DLGAP1: variants seen among roughly 807,000 people sequenced by gnomAD.
DLGAP1 encodes DLG associated protein 1, also known as disks large-associated protein 1.
Under a neutral mutation model 90.8 loss-of-function variants are expected in DLGAP1, and 11 were observed. The observed-to-expected ratio is 0.12, with a 90% CI of 0.08 to 0.20. DLGAP1 has a LOEUF of 0.20. DLGAP1 is among the 10% of genes least tolerant of loss of function. The probability of loss-of-function intolerance (pLI) is 1.00; values close to 1 mark genes in which losing one functional copy is unlikely to be tolerated. For synonymous variants in DLGAP1, 558 were observed against 540.7 expected (o/e 1.03, Z -0.44); for missense variants, 1,050 against 1,333.8 (o/e 0.79, Z 3.31).
At chr18:4,305,405 G>C (rs181214153) in intron 1 of DLGAP1, among the ~76,000 whole-genome samples, 1 of 151,918 alleles carries the variant, frequency 6.6e-6, no homozygotes, top group Non-Finnish European at 1.5e-5. Context: ...GTGGTGGCAC[G>C]CGCCTGTAGT....
chr18:3,551,646 C>CTA, intron 9 of DLGAP1, among the ~76,000 whole-genome samples: 1 of 23,614 alleles, frequency 4.2e-5, no homozygotes, highest in African/African-American at 1.0e-4. Flanking sequence ...CTTCCTTTCT[C>CTA]TCTCTCTTTG....
chr18:4,322,718 T>C (rs2080721813), intron 1 of DLGAP1, among the ~76,000 whole-genome samples: 1 of 151,944 alleles, frequency 6.6e-6, no homozygotes, highest in Non-Finnish European at 1.5e-5. Context: ...TCCCAGCACT[T>C]TGGGAGGCCG....
At chr18:4,423,017 G>A (rs544941470) in intron 1 of DLGAP1, among the ~76,000 whole-genome samples, 8 of 152,078 alleles carry the variant, frequency 5.3e-5, no homozygotes, top group Non-Finnish European at 7.4e-5. Context: ...CACAAAATAC[G>A]TCTTCCAAGA....
intron 7 of DLGAP1, among the ~76,000 whole-genome samples, chr18:3,595,945 C>G (rs1039827668): frequency 2.6e-5 from 4 of 152,186 alleles, no homozygotes; most frequent in African/African-American, 9.7e-5. Context: ...CAAAATGTGT[C>G]CCAACCAGGT....
At chr18:4,007,855 C>G (rs1746115225) in intron 2 of DLGAP1, among the ~76,000 whole-genome samples, 1 of 152,152 alleles carries the variant, frequency 6.6e-6, no homozygotes, top group African/African-American at 2.4e-5. Context: ...CTCAGGAACT[C>G]AACCTGCCTG....
At chr18:3,507,462 G>C (rs1024585867) in intron 11 of DLGAP1, among the ~76,000 whole-genome samples, 6 of 152,066 alleles carry the variant, frequency 3.9e-5, no homozygotes, top group African/African-American at 1.4e-4. Context: ...GTTGCAGTGA[G>C]CCGAGCCGAG....
chr18:4,276,682 T>C (rs2079424235), intron 1 of DLGAP1, among the ~76,000 whole-genome samples: 1 of 151,994 alleles, frequency 6.6e-6, no homozygotes, highest in Non-Finnish European at 1.5e-5. Flanking sequence ...GAGTATTTCA[T>C]GGTAAAAGTA....
chr18:4,025,145 G>A (rs2074678447), intron 2 of DLGAP1, among the ~76,000 whole-genome samples: 1 of 151,888 alleles, frequency 6.6e-6, no homozygotes, highest in Non-Finnish European at 1.5e-5. Flanking sequence ...AGTGTGTGAG[G>A]CCTTGAGTGT....
chr18:4,078,254 G>A (rs550332281), intron 2 of DLGAP1, among the ~76,000 whole-genome samples: 118 of 152,092 alleles, frequency 7.8e-4, no homozygotes, highest in Non-Finnish European at 1.4e-3. Flanking sequence ...AGAGACTTAA[G>A]CACCTACAAT....
At chr18:3,730,073 C>T (rs1598487975) in intron 6 of DLGAP1, among the ~76,000 whole-genome samples, 2 of 152,110 alleles carry the variant, frequency 1.3e-5, no homozygotes, top group South Asian at 4.1e-4. Context: ...AAACTATTTA[C>T]AAGTTTCAGT....
At chr18:3,536,359 G>A (rs1403303065) in intron 9 of DLGAP1, among the ~76,000 whole-genome samples, 1 of 151,762 alleles carries the variant, frequency 6.6e-6, no homozygotes, top group African/African-American at 2.4e-5. Flanking sequence ...GAATAGCTGG[G>A]AGTACAGGCA....
chr18:4,197,205 A>C (rs1204635335), intron 1 of DLGAP1, among the ~76,000 whole-genome samples: 1 of 149,942 alleles, frequency 6.7e-6, no homozygotes, highest in Non-Finnish European at 1.5e-5. Context: ...AAAAAAAAAA[A>C]AAAGAAAAAA....
chr18:3,785,511 C>T (rs2148168390), intron 5 of DLGAP1, among the ~76,000 whole-genome samples: 1 of 152,288 alleles, frequency 6.6e-6, no homozygotes, highest in African/African-American at 2.4e-5. Context: ...ATAAAGCCTT[C>T]TGCCTAGGGG....
At chr18:3,782,164 C>T (rs1201855361) in intron 5 of DLGAP1, among the ~76,000 whole-genome samples, 1 of 149,288 alleles carries the variant, frequency 6.7e-6, no homozygotes. Flanking sequence ...TTGGACAGAG[C>T]CTTGTTCTGT....
At chr18:3,726,390 G>A (rs1033947046) in intron 7 of DLGAP1, among the ~76,000 whole-genome samples, 11 of 152,040 alleles carry the variant, frequency 7.2e-5, no homozygotes, top group African/African-American at 2.7e-4. Context: ...GGAAGAAAAT[G>A]AATATGACAG....
At chr18:3,851,561 G>C (rs1017227092) in intron 4 of DLGAP1, among the ~76,000 whole-genome samples, 1 of 152,056 alleles carries the variant, frequency 6.6e-6, no homozygotes, top group Non-Finnish European at 1.5e-5. Flanking sequence ...TCAAATAGGA[G>C]TAATATACAA....
intron 1 of DLGAP1, among the ~76,000 whole-genome samples, chr18:4,216,276 T>C (rs1479710691): frequency 7.9e-6 from 1 of 127,206 alleles, no homozygotes; most frequent in Admixed American, 8.7e-5. Flanking sequence ...GTGTAACCGC[T>C]CTCGTGATTA....
At chr18:3,929,163 A>G (rs1214411452) in intron 3 of DLGAP1, among the ~76,000 whole-genome samples, 1 of 152,194 alleles carries the variant, frequency 6.6e-6, no homozygotes, top group Admixed American at 6.5e-5. Flanking sequence ...AGGTCTTTAT[A>G]TCAATGTGAG....
At chr18:3,662,004 T>C (rs765716892) in intron 7 of DLGAP1, among the ~76,000 whole-genome samples, 52 of 152,196 alleles carry the variant, frequency 3.4e-4, no homozygotes, top group African/African-American at 1.2e-3. Context: ...TTATCACTTG[T>C]AGTAATGTGG....
Sources: allele counts gnomAD v4.1 joint callset (sites outside exome capture counted in the v4.1 genomes callset), GRCh38; gene constraint gnomAD v4.1.1; transcripts MANE v1.5; gene names NCBI Gene and HGNC (gene_info 2026-07-23, HGNC 2026-07-21).